STK3: variants seen among roughly 807,000 people sequenced by gnomAD.
STK3 encodes serine/threonine kinase 3, also known as serine/threonine-protein kinase 3.
A neutral mutation model predicts 58.0 loss-of-function variants in STK3; 41 were observed. The ratio of observed to expected loss-of-function variants is 0.71; its 90% CI spans 0.55 to 0.92. The LOEUF (loss-of-function observed/expected upper bound fraction) is 0.92, where lower values mean the gene tolerates loss of function less well. Ranked by LOEUF, STK3 falls within the 40% of genes least tolerant of loss-of-function variation. STK3 has a pLI of 0.00. For missense variants in STK3, 479 were observed against 602.7 expected, an observed-to-expected ratio of 0.79 and a Z score of 2.15; for synonymous variants, 170 against 191.0, an observed-to-expected ratio of 0.89 and a Z score of 0.91.
intron 7 of STK3, among the ~76,000 whole-genome samples, chr8:98,585,240 A>C (rs1814417728): frequency 6.6e-6 from 1 of 151,998 alleles, no homozygotes; most frequent in Non-Finnish European, 1.5e-5. Context: ...TCTAACGTTT[A>C]AGTCTTTAAT....
chr8:98,914,161 A>G (rs34088872), intron 1 of STK3, among the ~76,000 whole-genome samples: 1 of 152,134 alleles, frequency 6.6e-6, no homozygotes, highest in Non-Finnish European at 1.5e-5. Flanking sequence ...TATTAAAAAA[A>G]CAAAAACCAG....
At chr8:98,760,377 T>G (rs963366438) in intron 3 of STK3, among the ~76,000 whole-genome samples, 1 of 152,188 alleles carries the variant, frequency 6.6e-6, no homozygotes. Context: ...TGGCTTCAAG[T>G]GACCCTCCTG....
In STK3 at chr8:98,863,592, TA is replaced by T. The variant is rs573908941; in HGVS notation, c.110+20054del. Among the ~76,000 whole-genome samples, 4 of 152,278 alleles carry T rather than the reference TA, an allele frequency of 2.6e-5. No homozygotes were observed. In the South Asian group the frequency reaches 8.3e-4, roughly 32 times the overall value. Reference sequence around the variant, plus strand: ...GTTATTATATTTCTGTGTGGTTGATTAAAAAATAATACATATTTGCTATAAA... The same window carrying T: ...GTTATTATATTTCTGTGTGGTTGATTAAAAATAATACATATTTGCTATAAA... On this transcript the variant is annotated intron_variant, in intron 3 of 12. Transcript: ENST00000523601.
At chr8:98,687,254 G>T (rs1824067648) in intron 6 of STK3, among the ~76,000 whole-genome samples, 1 of 152,174 alleles carries the variant, frequency 6.6e-6, no homozygotes, top group South Asian at 2.1e-4. Context: ...TGGACGACAA[G>T]TTTTCCATAG....
chr8:98,826,876 T>A (rs571779947), upstream of STK3, among the ~76,000 whole-genome samples: 285 of 132,502 alleles, frequency 2.2e-3, 2 homozygotes, highest in Non-Finnish European at 3.4e-3. Context: ...AATACAAAAG[T>A]TAGCCGGGCC....
intron 3 of STK3, among the ~76,000 whole-genome samples, chr8:98,406,290 ATG>A: frequency 9.7e-6 from 1 of 102,576 alleles, no homozygotes; most frequent in Non-Finnish European, 2.0e-5. Flanking sequence ...ATTTTATTTT[ATG>A]TTATTTATTT....
At chr8:98,479,898 TAAC>T (rs569947660) in intron 10 of STK3, among the ~76,000 whole-genome samples, 1 of 151,994 alleles carries the variant, frequency 6.6e-6, no homozygotes, top group South Asian at 2.1e-4. Flanking sequence ...ACTAGAAATA[TAAC>T]AACAACAAAA....
At chr8:98,576,619 T>C (rs1026079623) in intron 8 of STK3, among the ~76,000 whole-genome samples, 1 of 152,240 alleles carries the variant, frequency 6.6e-6, no homozygotes, top group African/African-American at 2.4e-5. Flanking sequence ...TAAATTTATA[T>C]TTTAGGTATT....
chr8:98,671,662 G>T (rs535775380), intron 6 of STK3, among the ~76,000 whole-genome samples: 2 of 151,962 alleles, frequency 1.3e-5, no homozygotes, highest in African/African-American at 4.8e-5. Context: ...GCTCACTGCA[G>T]CCTCGACCTC....
At chr8:98,660,465 G>A (rs534142935) in intron 6 of STK3, among the ~76,000 whole-genome samples, 3 of 152,054 alleles carry the variant, frequency 2.0e-5, no homozygotes, top group Non-Finnish European at 2.9e-5. Context: ...AGTAAAAATG[G>A]AAGATCTGTG....
In STK3 at chr8:98,455,954, A is replaced by G; in HGVS notation, c.1364T>C (p.Leu455Pro). The change falls in exon 11 of 11, where the codon CTG (leucine) becomes CCG (proline). Residue 455 changes from leucine to proline, a missense_variant. Leu to Pro is a moderately conservative substitution (Grantham distance 98). Coordinates refer to ENST00000419617, the MANE Select transcript of STK3 (RefSeq NM_006281.4). ...TATCTCCCGTTCCATCATGGGGTCC[A>G]GTGCTTTTAACCGCATCTGTAGTTC... is the stretch of plus-strand genomic sequence containing the variant. ...LEELQMRLKALDPMMEREIEE... is the reference protein window; with the variant it reads ...LEELQMRLKAPDPMMEREIEE... The G allele has an allele frequency of 1.2e-6, 2 of 1,613,018 alleles. No individual in the cohort carries two copies. The highest frequency in any genetic ancestry group is 1.7e-6 in the Non-Finnish European group (2 of 1,179,524).
intron 1 of STK3, among the ~76,000 whole-genome samples, chr8:98,810,107 C>T (rs982991628): frequency 2.6e-5 from 4 of 152,050 alleles, no homozygotes; most frequent in Non-Finnish European, 4.4e-5. Flanking sequence ...AACCAGATCT[C>T]GTGAGAACCC....
upstream of STK3, among the ~76,000 whole-genome samples, chr8:98,390,465 T>C (rs1475479223): frequency 6.6e-6 from 1 of 152,218 alleles, no homozygotes; most frequent in Non-Finnish European, 1.5e-5. Flanking sequence ...TCTCTGTCTT[T>C]AGTTTTTAGC....
intron 3 of STK3, chr8:98,431,925 T>C (rs1341323370): frequency 6.0e-6 from 1 of 167,086 alleles, no homozygotes; most frequent in Non-Finnish European, 1.5e-5. Context: ...AATGTCCCAA[T>C]AGCATTGAGT....
intron 6 of STK3, among the ~76,000 whole-genome samples, chr8:98,608,335 T>C (rs2130163301): frequency 6.6e-6 from 1 of 152,276 alleles, no homozygotes; most frequent in Non-Finnish European, 1.5e-5. Flanking sequence ...TCTTGGGTCC[T>C]CAATTCTTTA....
At position 98,720,822 on chromosome 8, in the gene STK3, A is replaced by G. The variant is rs1827358164; in HGVS notation, c.352-13511T>C. On this transcript the variant is annotated intron_variant, in intron 4 of 10. Transcript: ENST00000419617. ...CTAAGTGTGATATTCAAAATATCTG[A>G]CAGTCATTAAAGCAAATGTCTAATT... Among the ~76,000 whole-genome samples the G allele has an allele frequency of 1.3e-5, 2 of 152,058 alleles. 1 individual carries two copies. The highest frequency in any genetic ancestry group is 4.1e-4 in the South Asian group (2 of 4,820).
At chr8:98,416,585 C>T (rs1818117108) in intron 3 of STK3, among the ~76,000 whole-genome samples, 1 of 152,210 alleles carries the variant, frequency 6.6e-6, no homozygotes, top group South Asian at 2.1e-4. Flanking sequence ...AGAGGAGGTG[C>T]TTCCAGCATT....
At chr8:98,579,583 A>G in intron 8 of STK3, 81 bp downstream of exon 8, 1 of 1,476,822 alleles carries the variant, frequency 6.8e-7, no homozygotes, top group Non-Finnish European at 9.1e-7. Flanking sequence ...TAAAACAGTA[A>G]GTGCTTTTAA....
At chr8:98,869,708 T>C (rs1161440875) in intron 3 of STK3, among the ~76,000 whole-genome samples, 24 of 152,046 alleles carry the variant, frequency 1.6e-4, no homozygotes, top group Non-Finnish European at 1.5e-5. Context: ...ATTTTATTTT[T>C]TTAAAATTTG....
Sources: allele counts gnomAD v4.1 joint callset (sites outside exome capture counted in the v4.1 genomes callset), GRCh38; gene constraint gnomAD v4.1.1; transcripts MANE v1.5; gene names NCBI Gene and HGNC (gene_info 2026-07-23, HGNC 2026-07-21).